YPEL1: variants seen among roughly 807,000 people sequenced by gnomAD.
YPEL1 encodes yippee like 1, also known as protein yippee-like 1.
Under a neutral mutation model 17.3 loss-of-function variants are expected in YPEL1, and 7 were observed. That is an observed-to-expected ratio of 0.40 (90% confidence interval 0.23 to 0.76). The LOEUF is 0.76. Among genes scored for constraint, YPEL1 ranks in the 30% least tolerant of loss-of-function variants. YPEL1 has a pLI of 0.35. For missense variants in YPEL1, 91 were observed against 155.5 expected (o/e 0.59, Z 2.21); for synonymous variants, 59 against 59.6 (o/e 0.99, Z 0.05).
chr22:21,698,608 A>ATAACTTTGATAACTCACTTATCTT lies in YPEL1; in HGVS notation c.*2520_*2521insAAGATAAGTGAGTTATCAAAGTTA, dbSNP rs1307518570. 2 of 152,286 alleles carry ATAACTTTGATAACTCACTTATCTT rather than the reference A, an allele frequency of 1.3e-5. No individual in the cohort carries two copies. Among genetic ancestry groups the ATAACTTTGATAACTCACTTATCTT allele is most frequent in the Non-Finnish European group, 2.9e-5 (2 of 68,022 alleles). 9.4% of individuals were successfully genotyped at this position (152,286 alleles called of 1,614,324 possible). ...GAGGAATGAAGACTCACTCAAAGGG[A>ATAACTTTGATAACTCACTTATCTT]AGGGTCAGTTTAAGATAAGTTTTCA... is the stretch of plus-strand genomic sequence containing the variant. On this transcript the variant is annotated 3_prime_UTR_variant, in exon 5 of 5. Transcript: ENST00000339468.
Position 21,710,840 on chromosome 22 carries a change from C to G in YPEL1, c.-96G>C. 9.0e-7 allele frequency: 1 copy of G among 1,107,518 alleles called. No homozygotes were observed. Among genetic ancestry groups the G allele is most frequent in the Admixed American group, 1.7e-5 (1 of 59,084 alleles). 68.6% of individuals were successfully genotyped at this position (1,107,518 alleles called of 1,614,324 possible). On this transcript the variant is annotated 5_prime_UTR_variant, in exon 2 of 5. Transcript: ENST00000339468. Reference sequence around the variant, plus strand: ...CAAAAGCAACACTGGAAAATGCACGCAAGAGCCGTCGTTGTCCAGGAGGGC... The same window carrying G: ...CAAAAGCAACACTGGAAAATGCACGGAAGAGCCGTCGTTGTCCAGGAGGGC...
rs2068058143 is a variant in YPEL1 at position 21,700,839 on chromosome 22, A to C, written c.*290T>G. 2 of 281,980 alleles carry C rather than the reference A, an allele frequency of 7.1e-6. No individual in the cohort carries two copies. Among genetic ancestry groups the C allele is most frequent in the African/African-American group, 4.4e-5 (2 of 45,746 alleles). The allele number at this position is 281,980 out of a possible 1,614,324, so 17.5% of individuals were successfully genotyped here. Reference sequence around the variant, plus strand: ...CAACTATATTGAAGACAAAGGTGAAAGGAAGATATTAACTAGGCAGGTAAG... The same window carrying C: ...CAACTATATTGAAGACAAAGGTGAACGGAAGATATTAACTAGGCAGGTAAG... On this transcript the variant is annotated 3_prime_UTR_variant, in exon 5 of 5. Transcript: ENST00000339468.
chr22:21,719,080 C>CCATCTCTTCCATCTGG (rs1211930625), intron 1 of YPEL1, among the ~76,000 whole-genome samples: 10 of 152,162 alleles, frequency 6.6e-5, no homozygotes, highest in Admixed American at 5.9e-4. Flanking sequence ...CTGAACCCTG[C>CCATCTCTTCCATCTGG]CATCTCTTCC....
At chr22:21,709,205 G>A (rs2068142292) in intron 2 of YPEL1, among the ~76,000 whole-genome samples, 1 of 152,110 alleles carries the variant, frequency 6.6e-6, no homozygotes, top group Admixed American at 6.6e-5. Context: ...CCCCTACCCA[G>A]GGGCCCAGAG....
intron 4 of YPEL1, among the ~76,000 whole-genome samples, chr22:21,702,621 C>T (rs932081839): frequency 2.0e-5 from 3 of 151,684 alleles, no homozygotes; most frequent in Non-Finnish European, 4.4e-5. Context: ...AAAAAACAAA[C>T]AAAACAACAA....
At chr22:21,721,210 G>A (rs112450663) in intron 1 of YPEL1, among the ~76,000 whole-genome samples, 21,165 of 151,566 alleles carry the variant, frequency 0.14, 1,767 homozygotes, top group Middle Eastern at 0.19. Context: ...TGCAACCTCC[G>A]CCTCCTGGGT....
chr22:21,724,589 TTTTTG>T (rs2068315517), intron 1 of YPEL1, among the ~76,000 whole-genome samples: 1 of 127,866 alleles, frequency 7.8e-6, no homozygotes, highest in South Asian at 2.5e-4. Flanking sequence ...TTTTTTTTTG[TTTTTG>T]TTTTGAGACA....
chr22:21,723,832 A>AT (rs1307016959), intron 1 of YPEL1, among the ~76,000 whole-genome samples: 22 of 150,990 alleles, frequency 1.5e-4, no homozygotes, highest in African/African-American at 5.4e-4. Flanking sequence ...CGCCCAGCTG[A>AT]TTTTTTGTAT....
intron 1 of YPEL1, among the ~76,000 whole-genome samples, chr22:21,723,879 C>G (rs1219009147): frequency 6.6e-6 from 1 of 151,078 alleles, no homozygotes; most frequent in Non-Finnish European, 1.5e-5. Context: ...GTTGGCCAGG[C>G]TGGTCTCCAA....
At chr22:21,733,170 A>G (rs1227083747) in intron 1 of YPEL1, among the ~76,000 whole-genome samples, 1 of 152,052 alleles carries the variant, frequency 6.6e-6, no homozygotes, top group Non-Finnish European at 1.5e-5. Context: ...TAATCCCACC[A>G]CTTTGGGAGG....
chr22:21,705,141 TTTTTAGAGATAGGATA>T (rs1319803721), intron 2 of YPEL1, among the ~76,000 whole-genome samples: 2 of 152,252 alleles, frequency 1.3e-5, no homozygotes, highest in South Asian at 2.1e-4. Flanking sequence ...AATTTTTGTA[TTTTTAGAGATAGGATA>T]TTTTAGAGAT....
intron 1 of YPEL1, among the ~76,000 whole-genome samples, chr22:21,715,115 T>C (rs1047737711): frequency 2.6e-5 from 4 of 152,178 alleles, no homozygotes; most frequent in Non-Finnish European, 5.9e-5. Flanking sequence ...CACACACACA[T>C]ACATATACAT....
At chr22:21,708,965 C>T (rs1017679384) in intron 2 of YPEL1, among the ~76,000 whole-genome samples, 41 of 152,050 alleles carry the variant, frequency 2.7e-4, no homozygotes, top group Admixed American at 2.6e-3. Flanking sequence ...TGAGCCACCA[C>T]GCCCAGCTGA....
chr22:21,727,124 CT>C (rs1467399488), intron 1 of YPEL1, among the ~76,000 whole-genome samples: 24 of 152,308 alleles, frequency 1.6e-4, no homozygotes, highest in African/African-American at 5.8e-4. Context: ...CTGTCCCTGT[CT>C]CCTGCCTTGA....
At chr22:21,712,554 G>A (rs1196186874) in intron 1 of YPEL1, among the ~76,000 whole-genome samples, 4 of 151,362 alleles carry the variant, frequency 2.6e-5, no homozygotes, top group East Asian at 1.9e-4. Context: ...GCGAAACCCC[G>A]TCTCTACTAA....
chr22:21,704,376 G>A (rs752471931), intron 2 of YPEL1, among the ~76,000 whole-genome samples: 8 of 152,226 alleles, frequency 5.3e-5, no homozygotes, highest in Non-Finnish European at 1.2e-4. Context: ...TCACAGCATG[G>A]CTGAGTATGG....
rs1350546230 is a variant in YPEL1, at chr22:21,703,671, C to T, written c.161+168G>A. 1.4e-5 allele frequency among the ~76,000 whole-genome samples: 2 copies of T among 142,256 alleles called. No individual in the cohort carries two copies. The highest frequency in any genetic ancestry group is 5.2e-5 in the African/African-American group (2 of 38,686). The allele number at this position is 142,256 out of a possible 152,430, so 93.3% of individuals were successfully genotyped here. A position where few individuals can be genotyped will look rare whatever the true frequency, so the allele number is the denominator to read the frequency against. On this transcript the variant is annotated intron_variant, in intron 3 of 4. Coordinates refer to ENST00000339468, the MANE Select transcript of YPEL1 (RefSeq NM_013313.5). This position sits in a 1 kb window ranked among gnomAD's most constrained non-coding sequence, Gnocchi z 6.1. ...TGGGAAAGATCAGTGATGGGACAGG[C>T]TAGGGGGCAAGATCCTTAGCGCGTT...
At chr22:21,727,806 C>T (rs1044882625) in intron 1 of YPEL1, among the ~76,000 whole-genome samples, 1 of 152,186 alleles carries the variant, frequency 6.6e-6, no homozygotes, top group African/African-American at 2.4e-5. Context: ...GCCTGTTCCC[C>T]TCAATCCCCA....
At chr22:21,724,477 C>T (rs1884464978) in intron 1 of YPEL1, among the ~76,000 whole-genome samples, 1 of 152,032 alleles carries the variant, frequency 6.6e-6, no homozygotes, top group Admixed American at 6.6e-5. Context: ...ATGGAGGTTG[C>T]TGTGAGCCAT....
Sources: allele counts gnomAD v4.1 joint callset (sites outside exome capture counted in the v4.1 genomes callset), GRCh38; gene constraint gnomAD v4.1.1; non-coding constraint Gnocchi (gnomAD v3.1); transcripts MANE v1.5; gene names NCBI Gene and HGNC (gene_info 2026-07-23, HGNC 2026-07-21).